Variants in FAM210A observed in about 807,000 individuals in gnomAD.
FAM210A encodes the protein family with sequence similarity 210 member A.
Under a neutral mutation model 25.3 loss-of-function variants are expected in FAM210A, and 13 were observed. That is an observed-to-expected ratio of 0.51 (90% CI 0.33 to 0.82). FAM210A has a LOEUF of 0.82. FAM210A is among the 40% of genes least tolerant of loss of function. The pLI is 0.02. For missense variants in FAM210A, 319 were observed against 323.2 expected (o/e 0.99, Z 0.10); for synonymous variants, 125 against 118.7 (o/e 1.05, Z -0.35).
chr18:13,677,638 G>T (rs2043516794), intron 2 of FAM210A, among the ~76,000 whole-genome samples: 1 of 152,054 alleles, frequency 6.6e-6, no homozygotes. Flanking sequence ...CTTCATTTCT[G>T]CCTTTTAGTT....
At chr18:13,672,123 G>C (rs1295696584) in intron 2 of FAM210A, 150 bp from the exon 3 acceptor site, 3 of 562,506 alleles carry the variant, frequency 5.3e-6, no homozygotes, top group African/African-American at 1.9e-5. Context: ...TTCACTCTAA[G>C]AGAACATCTT....
intron 1 of FAM210A, among the ~76,000 whole-genome samples, chr18:13,700,190 C>T (rs2043727780): frequency 6.6e-6 from 1 of 152,224 alleles, no homozygotes; most frequent in Non-Finnish European, 1.5e-5. Flanking sequence ...GTTACCCATA[C>T]TTCTCAACAG....
At chr18:13,683,719 C>T (rs79952898) in intron 1 of FAM210A, among the ~76,000 whole-genome samples, 1,737 of 152,154 alleles carry the variant, frequency 0.011, 33 homozygotes, top group African/African-American at 0.04. Flanking sequence ...CCACACATGC[C>T]TTCCCACTCC....
intron 1 of FAM210A, among the ~76,000 whole-genome samples, chr18:13,724,720 C>G (rs1373182381): frequency 2.6e-5 from 4 of 152,144 alleles, no homozygotes; most frequent in Non-Finnish European, 2.9e-5. Context: ...ATCCCATCAT[C>G]GTGGAGTTTT....
chr18:13,722,845 CTTTCT>C (rs1168884188), intron 1 of FAM210A, among the ~76,000 whole-genome samples: 2 of 127,984 alleles, frequency 1.6e-5, no homozygotes, highest in East Asian at 3.9e-4. Flanking sequence ...CTTTTCTTTC[CTTTCT>C]TTTTTTTTTT....
At chr18:13,698,307 A>T (rs1177952863) in intron 1 of FAM210A, among the ~76,000 whole-genome samples, 1 of 145,698 alleles carries the variant, frequency 6.9e-6, no homozygotes, top group Non-Finnish European at 1.5e-5. Context: ...AGCCGAGATC[A>T]CACCACTGCA....
At chr18:13,706,460 C>T (rs941835209) in intron 1 of FAM210A, among the ~76,000 whole-genome samples, 21 of 152,146 alleles carry the variant, frequency 1.4e-4, no homozygotes, top group African/African-American at 4.6e-4. Context: ...AGATAAAACA[C>T]GAAGCCCCAA....
chr18:13,672,019 A>T, intron 2 of FAM210A, 46 bp from the exon 3 acceptor site: 1 of 1,352,318 alleles, frequency 7.4e-7, no homozygotes. Context: ...ACTTTTAATG[A>T]TATTTTCAAA....
intron 1 of FAM210A, among the ~76,000 whole-genome samples, chr18:13,702,258 T>C (rs1174854785): frequency 6.6e-6 from 1 of 152,242 alleles, no homozygotes; most frequent in Non-Finnish European, 1.5e-5. Flanking sequence ...TCACTATCTC[T>C]TGTAAAGTTT....
intron 1 of FAM210A, among the ~76,000 whole-genome samples, chr18:13,697,942 G>A (rs181965678): frequency 6.6e-6 from 1 of 152,314 alleles, no homozygotes; most frequent in East Asian, 1.9e-4. Context: ...ATATTGCCAA[G>A]TCAAAGAAGC....
intron 2 of FAM210A, among the ~76,000 whole-genome samples, chr18:13,677,168 G>T (rs970030929): frequency 6.6e-6 from 1 of 151,196 alleles, no homozygotes; most frequent in African/African-American, 2.4e-5. Context: ...TCCACCTCCC[G>T]AGTTCACGCC....
intron 1 of FAM210A, among the ~76,000 whole-genome samples, chr18:13,702,220 T>C (rs567023697): frequency 1.3e-4 from 20 of 152,196 alleles, no homozygotes; most frequent in South Asian, 2.1e-4. Flanking sequence ...TCTCTCCCTG[T>C]GCAAACTGGT....
At chr18:13,718,246 A>C (rs987880094) in intron 1 of FAM210A, among the ~76,000 whole-genome samples, 1 of 152,162 alleles carries the variant, frequency 6.6e-6, no homozygotes, top group African/African-American at 2.4e-5. Flanking sequence ...TACTCTCCTT[A>C]AGAAACCTTC....
intron 1 of FAM210A, among the ~76,000 whole-genome samples, chr18:13,699,685 G>A (rs1343537531): frequency 1.3e-5 from 2 of 151,990 alleles, no homozygotes; most frequent in Admixed American, 6.6e-5. Context: ...AGAAAGACCT[G>A]AGTGCTAACA....
In FAM210A at chr18:13,664,179, A is replaced by T. The variant is rs1413759567; in HGVS notation, c.*2301T>A. ...ATCTTCAGAGCATTTTTTACTAGAGAATTTCATATCATTCAAGCAGTAACT... is the reference window on the plus strand; with the variant it reads ...ATCTTCAGAGCATTTTTTACTAGAGTATTTCATATCATTCAAGCAGTAACT... On this transcript the variant is annotated 3_prime_UTR_variant, in exon 4 of 4. Coordinates refer to ENST00000651643, the MANE Select transcript of FAM210A (RefSeq NM_152352.4). 6.6e-6 allele frequency: 1 copy of T among 152,206 alleles called. No homozygotes were observed. The highest frequency in any genetic ancestry group is 1.9e-4 in the East Asian group (1 of 5,190). 9.4% of individuals were successfully genotyped at this position (152,206 alleles called of 1,614,324 possible). A position where few individuals can be genotyped will look rare whatever the true frequency, so the allele number is the denominator to read the frequency against.
At chr18:13,723,967 G>A (rs980689735) in intron 1 of FAM210A, among the ~76,000 whole-genome samples, 1 of 152,122 alleles carries the variant, frequency 6.6e-6, no homozygotes, top group Non-Finnish European at 1.5e-5. Context: ...ACTATCTTAG[G>A]AAACTATAAC....
chr18:13,696,007 C>A (rs1281368346), intron 1 of FAM210A, among the ~76,000 whole-genome samples: 2 of 152,008 alleles, frequency 1.3e-5, no homozygotes, highest in Non-Finnish European at 1.5e-5. Flanking sequence ...AATATACTCT[C>A]CCAAAATAGG....
At chr18:13,667,652 A>C (rs555943415) in intron 3 of FAM210A, among the ~76,000 whole-genome samples, 5 of 152,082 alleles carry the variant, frequency 3.3e-5, no homozygotes, top group Non-Finnish European at 7.4e-5. Flanking sequence ...CCGGTGGCAG[A>C]GGTTGCAGCG....
chr18:13,681,709 A>T lies in FAM210A; in HGVS notation c.369T>A (p.Tyr123Ter). 1 of 1,614,218 alleles carries T rather than the reference A, an allele frequency of 6.2e-7. No homozygotes were observed. The highest frequency in any genetic ancestry group is 8.5e-7 in the Non-Finnish European group (1 of 1,180,034). ...DPLQDKSISL[Y>*]QRFKKTFRQY... ...GTCTAAATGTCTTCTTGAATCGTTGATAAAGACTAATAGATTTGTCTTGCA... is the reference window on the plus strand; with the variant it reads ...GTCTAAATGTCTTCTTGAATCGTTGTTAAAGACTAATAGATTTGTCTTGCA... The change falls in exon 2 of 4, where the codon TAT becomes TAA. Residue 123 changes from tyrosine (Y) to a stop codon, truncating the protein, a stop_gained. Transcript: ENST00000651643. LOFTEE classifies it high-confidence loss of function.
Sources: gnomAD v4.1 joint callset for allele counts (sites outside exome capture counted in the v4.1 genomes callset) on GRCh38, gnomAD v4.1.1 for gene constraint, MANE v1.5 for transcripts, NCBI Gene and HGNC (gene_info 2026-07-23, HGNC 2026-07-21) for gene names.